PCAT7: variants seen among roughly 807,000 people sequenced by gnomAD.
PCAT7 encodes the protein prostate cancer associated transcript 7 (non-protein coding).
chr9:94,571,377 C>T, intron 2 of PCAT7: 2 of 1,350,138 alleles, frequency 1.5e-6, no homozygotes, highest in South Asian at 3.5e-5. Flanking sequence ...TAGGAATAAC[C>T]AGGACATTAT....
chr9:94,568,661 G>T lies in PCAT7; in HGVS notation n.442-4318G>T, dbSNP rs537170309. On this transcript the variant is annotated intron_variant and non_coding_transcript_variant, in intron 2 of 8. Transcript: ENST00000647389. ...CACAGAATGACTCCACATAGCAGAGGTGTTGCTACGAGAGGTGACACTGTC... is the reference window on the plus strand; with the variant it reads ...CACAGAATGACTCCACATAGCAGAGTTGTTGCTACGAGAGGTGACACTGTC... 4.6e-5 allele frequency: 7 copies of T among 152,300 alleles called. No homozygotes were observed. In the South Asian group the frequency reaches 1.2e-3, roughly 27 times the overall value. The allele number at this position is 152,300 out of a possible 1,614,324, so 9.4% of individuals were successfully genotyped here.
At chr9:94,562,566 AATTCAAATC>A (rs1332502801) in intron 2 of PCAT7, among the ~76,000 whole-genome samples, 1 of 152,200 alleles carries the variant, frequency 6.6e-6, no homozygotes, top group Non-Finnish European at 1.5e-5. Context: ...GCATTCGAAT[AATTCAAATC>A]TCAAGGTGAC....
chr9:94,570,318 A>C (rs1211219503), intron 2 of PCAT7: 1 of 152,246 alleles, frequency 6.6e-6, no homozygotes, highest in Non-Finnish European at 1.5e-5. Context: ...GAGTAATTAA[A>C]GCACAGACTG....
At chr9:94,570,694 G>C (rs1166530392) in intron 2 of PCAT7, 1 of 152,166 alleles carries the variant, frequency 6.6e-6, no homozygotes, top group Non-Finnish European at 1.5e-5. Context: ...GGTCTAATGG[G>C]CATACAGGTG....
intron 2 of PCAT7, among the ~76,000 whole-genome samples, chr9:94,560,430 C>A (rs10761336): frequency 0.52 from 79,581 of 151,928 alleles, 21,877 homozygotes; most frequent in Admixed American, 0.63. Flanking sequence ...ACAACACACA[C>A]CCCCATCACC....
intron 2 of PCAT7, among the ~76,000 whole-genome samples, chr9:94,571,269 G>A (rs756594777): frequency 9.2e-5 from 14 of 152,120 alleles, no homozygotes; most frequent in Non-Finnish European, 1.8e-4. Flanking sequence ...TCCTCCCCCC[G>A]AGTGCCCTCA....
chr9:94,563,305 T>A lies in PCAT7; in HGVS notation n.441+4153T>A, dbSNP rs751054030. The A allele has an allele frequency of 5.0e-6, 8 of 1,608,228 alleles. No homozygotes were observed. In the Admixed American group the frequency reaches 1.3e-4, roughly 27 times the overall value. On this transcript the variant is annotated intron_variant and non_coding_transcript_variant, in intron 2 of 8. Coordinates refer to ENST00000647389, the Ensembl canonical transcript of PCAT7. The stretch of plus-strand genomic sequence containing the variant: ...ACGGGAGGGAGCTCCCCCACCTCCC[T>A]GACCGGATGCACAGCCAGTGGACAA...
chr9:94,564,857 T>C (rs755047470), intron 2 of PCAT7, among the ~76,000 whole-genome samples: 27 of 152,324 alleles, frequency 1.8e-4, no homozygotes, highest in South Asian at 1.2e-3. Flanking sequence ...AGGAATATGT[T>C]ATAGTGTTCT....
intron 2 of PCAT7, among the ~76,000 whole-genome samples, chr9:94,560,636 T>C (rs1011173239): frequency 6.6e-6 from 1 of 151,550 alleles, no homozygotes; most frequent in Non-Finnish European, 1.5e-5. Flanking sequence ...TTTGGTGATA[T>C]GTTTAAACTA....
At chr9:94,567,423 G>A (rs202197694) in intron 2 of PCAT7, 178 of 1,610,852 alleles carry the variant, frequency 1.1e-4, no homozygotes, top group Non-Finnish European at 1.5e-4. Flanking sequence ...AACATGAAGA[G>A]AGATGCCAGG....
intron 2 of PCAT7, among the ~76,000 whole-genome samples, chr9:94,562,326 A>G (rs960439617): frequency 2.6e-5 from 4 of 151,678 alleles, no homozygotes; most frequent in African/African-American, 7.3e-5. Context: ...AAAAAAAAAA[A>G]AAAAAAGAAT....
intron 2 of PCAT7, among the ~76,000 whole-genome samples, chr9:94,562,510 G>C (rs1587836154): frequency 6.6e-6 from 1 of 152,072 alleles, no homozygotes; most frequent in South Asian, 2.1e-4. Flanking sequence ...AAATCTCTCT[G>C]GCTTCATGTG....
chr9:94,560,060 G>C lies in PCAT7; in HGVS notation n.441+908G>C, dbSNP rs1020079323. Among the ~76,000 whole-genome samples the C allele has an allele frequency of 1.6e-4, 24 of 152,228 alleles. 1 individual carries two copies. The highest frequency in any genetic ancestry group is 4.6e-4 in the African/African-American group (19 of 41,466). ...GGATCAACTGAGCCCCGGAGTTCAA[G>C]GCTGCGGTGAGCTGTGATCATGCTA... On this transcript the variant is annotated intron_variant and non_coding_transcript_variant, in intron 2 of 8. Coordinates refer to ENST00000647389, the Ensembl canonical transcript of PCAT7.
In PCAT7 at chr9:94,561,352, A is replaced by ACTTTT. The variant is rs1827097696; in HGVS notation, n.441+2200_441+2201insCTTTT. 3.9e-3 allele frequency among the ~76,000 whole-genome samples: 214 copies of ACTTTT among 54,988 alleles called. 10 individuals carry two copies. The highest frequency in any genetic ancestry group is 0.016 in the African/African-American group (206 of 12,802). The allele number at this position is 54,988 out of a possible 152,430, so 36.1% of individuals were successfully genotyped here. A position where few individuals can be genotyped will look rare whatever the true frequency, so the allele number is the denominator to read the frequency against. ...GCAGGCCATGTGACATGTGACCTGT[A>ACTTTT]TTTTTTTTTTTTTTTTTTTTTTTTT... On this transcript the variant is annotated intron_variant and non_coding_transcript_variant, in intron 2 of 8. Transcript: ENST00000647389.
In PCAT7 at chr9:94,555,590, GGA is replaced by G. The variant is rs1826996571; in HGVS notation, n.257+281_257+282del. On this transcript the variant is annotated intron_variant and non_coding_transcript_variant, in intron 1 of 8. Transcript: ENST00000647389. ...GGAAGAGGAAAGAGTGGTGAGGGGG[GGA>G]AAATGGGCGAGCAGTAGGGAGAGAA... is the stretch of plus-strand genomic sequence containing the variant. Among the ~76,000 whole-genome samples the G allele has an allele frequency of 2.1e-5, 3 of 144,684 alleles. No homozygotes were observed. The South Asian group carries it at 7.0e-4, about 34-fold the overall frequency. The allele number at this position is 144,684 out of a possible 152,430, so 94.9% of individuals were successfully genotyped here. A position where few individuals can be genotyped will look rare whatever the true frequency, so the allele number is the denominator to read the frequency against.
chr9:94,570,254 T>C (rs530037906), intron 2 of PCAT7: 3 of 152,334 alleles, frequency 2.0e-5, no homozygotes, highest in Non-Finnish European at 2.9e-5. Flanking sequence ...AGAATGTTCA[T>C]GGAGATATTT....
chr9:94,560,030 T>C (rs1827073803), intron 2 of PCAT7, among the ~76,000 whole-genome samples: 1 of 152,108 alleles, frequency 6.6e-6, no homozygotes. Context: ...GAAGCTGAAG[T>C]GGGAGGATCA....
intron 1 of PCAT7, among the ~76,000 whole-genome samples, chr9:94,558,462 T>G (rs534064114): frequency 6.6e-5 from 10 of 152,124 alleles, no homozygotes; most frequent in African/African-American, 2.4e-4. Context: ...GCCCGGCTAA[T>G]TTTTGTATTT....
At chr9:94,563,027 C>A (rs1377452773) in intron 2 of PCAT7, among the ~76,000 whole-genome samples, 1 of 152,208 alleles carries the variant, frequency 6.6e-6, no homozygotes, top group Non-Finnish European at 1.5e-5. Context: ...TCAGCTGGTG[C>A]TGAAGCTAAA....
Sources: gnomAD v4.1 joint callset for allele counts (sites outside exome capture counted in the v4.1 genomes callset) on GRCh38, gnomAD v4.1.1 for gene constraint, MANE v1.5 for transcripts, NCBI Gene and HGNC (gene_info 2026-07-23, HGNC 2026-07-21) for gene names.